MYO1H: variants seen among roughly 807,000 people sequenced by gnomAD.
MYO1H encodes myosin IH.
MYO1H carries 118 observed loss-of-function variants against 149.3 expected under a neutral mutation model. The observed-to-expected ratio is 0.79, with a 90% CI of 0.68 to 0.92. The LOEUF (loss-of-function observed/expected upper bound fraction) is 0.92, where lower values mean the gene tolerates loss of function less well. Among genes scored for constraint, MYO1H ranks in the 40% least tolerant of loss-of-function variants. The pLI, the probability that MYO1H is intolerant of heterozygous loss-of-function variation, is 0.00. For synonymous variants in MYO1H, 447 were observed against 465.2 expected (o/e 0.96, Z 0.50); for missense variants, 1,212 against 1,280.7 (o/e 0.95, Z 0.82).
intron 6 of MYO1H, among the ~76,000 whole-genome samples, chr12:109,402,693 A>G (rs1341248959): frequency 6.6e-6 from 1 of 152,230 alleles, no homozygotes; most frequent in Non-Finnish European, 1.5e-5. Context: ...AGCAAACTCA[A>G]CTAATTACTA....
At chr12:109,350,953 A>G (rs941766159) in intron 1 of MYO1H, among the ~76,000 whole-genome samples, 1 of 151,866 alleles carries the variant, frequency 6.6e-6, no homozygotes, top group African/African-American at 2.4e-5. Flanking sequence ...ATACAGTTAC[A>G]TGCCATTTTG....
chr12:109,347,266 C>T (rs566115380), upstream of MYO1H, among the ~76,000 whole-genome samples: 6 of 152,222 alleles, frequency 3.9e-5, no homozygotes, highest in African/African-American at 9.6e-5. Flanking sequence ...GAACTTTATA[C>T]GATGAGGCCC....
At chr12:109,352,236 C>T (rs1393125212) in intron 1 of MYO1H, among the ~76,000 whole-genome samples, 5 of 152,010 alleles carry the variant, frequency 3.3e-5, no homozygotes, top group East Asian at 3.9e-4. Context: ...ATCTTTTAAA[C>T]GGTATAGGAA....
chr12:109,327,409 A>G, the MYO1H span, among the ~76,000 whole-genome samples: 1 of 151,776 alleles, frequency 6.6e-6, no homozygotes, highest in African/African-American at 2.4e-5. Flanking sequence ...CTGGGATTAC[A>G]GGCGTGAGCC....
upstream of MYO1H, among the ~76,000 whole-genome samples, chr12:109,347,111 C>A (rs531790309): frequency 2.0e-5 from 3 of 152,262 alleles, no homozygotes; most frequent in East Asian, 5.8e-4. Context: ...ACAGGGGGTG[C>A]TGTTTAGGTT....
chr12:109,440,070 T>C (rs1021297862), intron 24 of MYO1H, among the ~76,000 whole-genome samples: 6 of 151,756 alleles, frequency 4.0e-5, no homozygotes, highest in Non-Finnish European at 8.8e-5. Context: ...AGTCTTGCTC[T>C]GTCACCCAGG....
At chr12:109,410,266 T>A (rs565241075) in intron 12 of MYO1H, among the ~76,000 whole-genome samples, 198 bp downstream of exon 12, 4 of 152,184 alleles carry the variant, frequency 2.6e-5, no homozygotes, top group Middle Eastern at 6.8e-3. Flanking sequence ...CTCAGCCTCC[T>A]AAGTAGCTGG....
intron 16 of MYO1H, among the ~76,000 whole-genome samples, chr12:109,422,227 A>G (rs1871202980): frequency 6.6e-6 from 1 of 152,246 alleles, no homozygotes; most frequent in African/African-American, 2.4e-5. Context: ...CCTAAAGGTA[A>G]CATTTTTGGA....
chr12:109,385,111 G>T (rs184849548), intron 1 of MYO1H, among the ~76,000 whole-genome samples: 9 of 152,162 alleles, frequency 5.9e-5, no homozygotes, highest in Non-Finnish European at 1.0e-4. Context: ...TTATAATTCC[G>T]TTTTATAGAG....
At chr12:109,434,392 T>C (rs1192718605) in intron 20 of MYO1H, among the ~76,000 whole-genome samples, 1 of 151,964 alleles carries the variant, frequency 6.6e-6, no homozygotes, top group African/African-American at 2.4e-5. Context: ...TACTCGGGAG[T>C]CTGAGGCACG....
chr12:109,443,150 G>GTGTGTGTATA (rs1491246547), intron 27 of MYO1H, among the ~76,000 whole-genome samples: 3,364 of 66,538 alleles, frequency 0.051, 872 homozygotes, highest in Non-Finnish European at 0.056. Context: ...ATATGTGTAC[G>GTGTGTGTATA]TATGTGTGTG....
intron 13 of MYO1H, among the ~76,000 whole-genome samples, chr12:109,411,607 G>GGCATTAAGCTA (rs1870674771): frequency 6.6e-6 from 1 of 152,044 alleles, no homozygotes; most frequent in African/African-American, 2.4e-5. Context: ...AAACGAGGTT[G>GGCATTAAGCTA]GTCATAGTAG....
intron 19 of MYO1H, among the ~76,000 whole-genome samples, chr12:109,429,132 G>A (rs556100889): frequency 4.6e-5 from 7 of 152,248 alleles, no homozygotes; most frequent in East Asian, 3.9e-4. Flanking sequence ...ATTTGAACCC[G>A]GGAGGCAGAG....
At chr12:109,406,466 TTAAAAAAAAAAAA>T (rs1870395225) in intron 8 of MYO1H, among the ~76,000 whole-genome samples, 2 of 101,708 alleles carry the variant, frequency 2.0e-5, no homozygotes, top group Non-Finnish European at 2.0e-5. Flanking sequence ...ACCCTATCTC[TTAAAAAAAAAAAA>T]AAAAAAAAAA....
At position 109,443,562 on chromosome 12, in the gene MYO1H, C is replaced by T. The variant is rs1233578499; in HGVS notation, c.2737C>T (p.Gln913Ter). ...TGACAGAAAAGGCTTCAAAGCACGG[C>T]AGCGGCAACTCATTCTTACTCAGAA... Residue 913 changes from glutamine to a stop codon, truncating the protein, a stop_gained, in exon 28 of 32, where the codon CAG becomes TAG. Transcript: ENST00000310903. LOFTEE classifies it high-confidence loss of function. The T allele has an allele frequency of 6.2e-7, 1 of 1,613,846 alleles. No individual in the cohort carries two copies. The highest frequency in any genetic ancestry group is 8.5e-7 in the Non-Finnish European group (1 of 1,179,858).
In MYO1H at chr12:109,403,999, G is replaced by GT; in HGVS notation, c.769dup (p.Ser257PhefsTer4). 1.9e-6 allele frequency: 3 copies of GT among 1,613,610 alleles called. No homozygotes were observed. The highest frequency in any genetic ancestry group is 8.5e-7 in the Non-Finnish European group (1 of 1,179,702). On this transcript the variant is annotated frameshift_variant, in exon 7 of 32. Coordinates refer to ENST00000310903, the Ensembl canonical transcript of MYO1H. LOFTEE classifies it high-confidence loss of function. ...GTCAACAGGGTCATTGTGCCAAAGA[G>GT]TCATCCATTAGTGACAAGAATGACT...
chr12:109,416,596 A>G (rs60945232), intron 15 of MYO1H, among the ~76,000 whole-genome samples: 39,813 of 152,010 alleles, frequency 0.26, 5,394 homozygotes, highest in East Asian at 0.35. Context: ...CCTTCTAACT[A>G]TTATAAAGCT....
chr12:109,392,066 A>T (rs1869679401), intron 2 of MYO1H, among the ~76,000 whole-genome samples: 1 of 152,210 alleles, frequency 6.6e-6, no homozygotes, highest in Non-Finnish European at 1.5e-5. Flanking sequence ...TAGTTTAATT[A>T]GATCCCATTT....
At chr12:109,366,977 G>A (rs1217152299) in intron 1 of MYO1H, among the ~76,000 whole-genome samples, 1 of 152,178 alleles carries the variant, frequency 6.6e-6, no homozygotes, top group Non-Finnish European at 1.5e-5. Flanking sequence ...CAACCAGCAA[G>A]CATAATGCAA....
Sources: allele counts gnomAD v4.1 joint callset (sites outside exome capture counted in the v4.1 genomes callset), GRCh38; gene constraint gnomAD v4.1.1; transcripts MANE v1.5; gene names NCBI Gene and HGNC (gene_info 2026-07-23, HGNC 2026-07-21).